The following ADCY4 variants were observed in gnomAD, a reference collection of about 807,000 sequenced individuals.
ADCY4 encodes adenylate cyclase type 4.
In ADCY4, 111 loss-of-function variants were observed where a neutral mutation model predicts 125.5. That is an observed-to-expected ratio of 0.88 (90% CI 0.76 to 1.04). The LOEUF (loss-of-function observed/expected upper bound fraction) is 1.04, where lower values mean the gene tolerates loss of function less well. Ranked by LOEUF, ADCY4 falls within the 50% of genes least tolerant of loss-of-function variation. The probability of loss-of-function intolerance (pLI) is 0.00; values close to 1 mark genes in which losing one functional copy is unlikely to be tolerated. For synonymous variants in ADCY4, 576 were observed against 586.9 expected (o/e 0.98, Z 0.27); for missense variants, 1,256 against 1,382.9 (o/e 0.91, Z 1.46).
intron 6 of ADCY4, chr14:24,330,631 T>G: frequency 2.8e-6 from 1 of 360,352 alleles, no homozygotes; most frequent in Non-Finnish European, 5.1e-6. Flanking sequence ...GAGGCATCCC[T>G]GGAGTCTAAG....
chr14:24,334,531 A>G lies in ADCY4; in HGVS notation c.122T>C (p.Leu41Pro). 18 of 1,583,286 alleles carry G rather than the reference A, an allele frequency of 1.1e-5. No homozygotes were observed. The highest frequency in any genetic ancestry group is 2.3e-5 in the East Asian group (1 of 43,632). Residue 41 changes from leucine to proline, a missense_variant, in exon 1 of 25, where the codon CTC (leucine) becomes CCC (proline). By Grantham distance (98) the Leu-to-Pro change is moderately conservative. Transcript: ENST00000418030. ...LLLLGIVLCALAALLAVAWAS... is the reference protein window; with the variant it reads ...LLLLGIVLCAPAALLAVAWAS... ...CCAGGCCACTGCGAGCAGCGCCGCG[A>G]GCGCACAGAGCACGATCCCCAGCAG...
chr14:24,329,847 C>T lies in ADCY4; in HGVS notation c.1217+13G>A. ...GGCCTTCTGCTGTAGCTGCCTAGGG[C>T]CCTAGGTCTCACCCTGGTACACCGC... is the stretch of plus-strand genomic sequence containing the variant. On this transcript the variant is annotated intron_variant, in intron 8 of 24. Coordinates refer to ENST00000418030, the MANE Select transcript of ADCY4 (RefSeq NM_001198568.2). 1 of 1,610,484 alleles carries T rather than the reference C, an allele frequency of 6.2e-7. No homozygotes were observed. Among genetic ancestry groups the T allele is most frequent in the South Asian group, 1.1e-5 (1 of 90,772 alleles).
chr14:24,321,755 A>G, intron 20 of ADCY4: 2 of 1,051,504 alleles, frequency 1.9e-6, no homozygotes, highest in Non-Finnish European at 2.3e-6. Context: ...GTCATGGACT[A>G]GTATCAGTCT....
rs772200911 is a variant in ADCY4, at chr14:24,319,827, T to C, written c.2648A>G (p.Lys883Arg). Reference protein sequence around the residue: ...CVLFASVPDFKEFYSESNINH... With the variant: ...CVLFASVPDFREFYSESNINH... ...GATGTTGGATTCAGAGTAGAACTCC[T>C]TGAAGTCTGGGACTGAGGCGAAGAG... The change falls in exon 21 of 25, where the codon AAG (lysine) becomes AGG (arginine). Residue 883 changes from lysine (K) to arginine (R), a missense_variant. Lys to Arg is a conservative substitution (Grantham distance 26). Coordinates refer to ENST00000418030, the MANE Select transcript of ADCY4 (RefSeq NM_001198568.2). The surrounding 1 kb of genome is among the most constrained non-coding windows in gnomAD (Gnocchi z 4.5). The C allele has an allele frequency of 6.2e-6, 10 of 1,614,126 alleles. No individual in the cohort carries two copies. The South Asian group carries it at 9.9e-5, about 16-fold the overall frequency.
Position 24,325,406 on chromosome 14 carries a change from G to A in ADCY4, c.1794C>T (p.Asn598=), listed in dbSNP as rs755574020. Residue 598 remains asparagine, a synonymous_variant, in exon 14 of 25, where the codon AAC becomes AAT. Coordinates refer to ENST00000418030, the MANE Select transcript of ADCY4 (RefSeq NM_001198568.2). The part of the protein sequence containing the change: ...EACTFLVFLS[N]FIIQMLVTNR... Reference sequence around the variant, plus strand: ...TTGTCACTAGCATCTGGATGATGAAGTTGGAGAGAAAAACCAGGAAGGTGC... The same window carrying A: ...TTGTCACTAGCATCTGGATGATGAAATTGGAGAGAAAAACCAGGAAGGTGC... 15 of 1,613,618 alleles carry A rather than the reference G, an allele frequency of 9.3e-6. 1 individual carries two copies. The South Asian group carries it at 1.1e-4, about 12-fold the overall frequency.
At chr14:24,332,195 G>T in intron 3 of ADCY4, 1 of 466,318 alleles carries the variant, frequency 2.1e-6, no homozygotes, top group Non-Finnish European at 3.7e-6. Flanking sequence ...CTTGTGCTTG[G>T]AATACCACTC....
chr14:24,329,603 C>T, intron 8 of ADCY4, 70 bp from the exon 9 acceptor site: 1 of 1,493,854 alleles, frequency 6.7e-7, no homozygotes, highest in Non-Finnish European at 8.9e-7. Context: ...CCCCATCACC[C>T]CCATGGCTCC....
chr14:24,330,440 T>G, intron 6 of ADCY4, 145 bp from the exon 7 acceptor site: 1 of 1,091,128 alleles, frequency 9.2e-7, no homozygotes, highest in South Asian at 1.5e-5. Context: ...AGGGACTCCT[T>G]TCACTTGATA....
chr14:24,332,354 C>G, intron 3 of ADCY4, 168 bp downstream of exon 3: 2 of 728,256 alleles, frequency 2.7e-6, no homozygotes, highest in South Asian at 4.3e-5. Flanking sequence ...CTGGTAACAG[C>G]AGGCATTGCA....
At chr14:24,331,716 A>C in intron 4 of ADCY4, 72 bp downstream of exon 4, 1 of 1,439,232 alleles carries the variant, frequency 6.9e-7, no homozygotes, top group Non-Finnish European at 9.1e-7. Flanking sequence ...CAACTTGTGG[A>C]GGAGCCCCGT....
chr14:24,319,572 G>A lies in ADCY4; in HGVS notation c.2734-136C>T. On this transcript the variant is annotated intron_variant, in intron 21 of 24. Coordinates refer to ENST00000418030, the MANE Select transcript of ADCY4 (RefSeq NM_001198568.2). The surrounding 1 kb of genome is among the most constrained non-coding windows in gnomAD (Gnocchi z 4.5). ...GATAGTGTCAGGAAGGAGAGGGTTG[G>A]TGGTGGGCAGTGTTGCTGGAGTGGG... 2.5e-6 allele frequency: 3 copies of A among 1,195,878 alleles called. No individual in the cohort carries two copies. The highest frequency in any genetic ancestry group is 3.6e-6 in the Non-Finnish European group (3 of 827,656). The allele number at this position is 1,195,878 out of a possible 1,614,324, so 74.1% of individuals were successfully genotyped here. A position where few individuals can be genotyped will look rare whatever the true frequency, so the allele number is the denominator to read the frequency against.
chr14:24,330,263 C>A lies in ADCY4; in HGVS notation c.963G>T (p.Gly321=), dbSNP rs756684873. The change falls in exon 7 of 25, where the codon GGG becomes GGT. Residue 321 remains glycine, a synonymous_variant. Coordinates refer to ENST00000418030, the MANE Select transcript of ADCY4 (RefSeq NM_001198568.2). ...EHECMRIKIL[G]DCYYCVSGLP... ...GCCCAGAGACACAGTAGTAACAGTC[C>A]CCCAGGATCTTGATCCGCATGCATT... 2 of 1,614,122 alleles carry A rather than the reference C, an allele frequency of 1.2e-6. No individual in the cohort carries two copies. Among genetic ancestry groups the A allele is most frequent in the African/African-American group, 1.3e-5 (1 of 75,018 alleles).
chr14:24,319,806 T>A lies in ADCY4; in HGVS notation c.2669A>T (p.Asn890Ile). Residue 890 changes from asparagine to isoleucine, a missense_variant, in exon 21 of 25, where the codon AAC becomes ATC. Transcript: ENST00000418030. This position sits in a 1 kb window ranked among gnomAD's most constrained non-coding sequence, Gnocchi z 4.5. The part of the protein sequence containing the change: ...PDFKEFYSES[N>I]INHEGLECLR... ...ACACTCTAGGCCCTCATGATTGATGTTGGATTCAGAGTAGAACTCCTTGAA... is the reference window on the plus strand; with the variant it reads ...ACACTCTAGGCCCTCATGATTGATGATGGATTCAGAGTAGAACTCCTTGAA... The A allele has an allele frequency of 6.2e-7, 1 of 1,614,146 alleles. No homozygotes were observed. Among genetic ancestry groups the A allele is most frequent in the Non-Finnish European group, 8.5e-7 (1 of 1,180,034 alleles).
At position 24,329,036 on chromosome 14, in the gene ADCY4, G is replaced by C. The variant is rs749815862; in HGVS notation, c.1524+25C>G. 3.1e-6 allele frequency: 5 copies of C among 1,608,110 alleles called. No individual in the cohort carries two copies. In the African/African-American group the frequency reaches 6.7e-5, roughly 22 times the overall value. The stretch of plus-strand genomic sequence containing the variant: ...TGGGGGTGGATTTAACTAAGCTCTG[G>C]GGCTCAGGATGAAGGTGCACATACC... On this transcript the variant is annotated intron_variant, in intron 10 of 24. Coordinates refer to ENST00000418030, the MANE Select transcript of ADCY4 (RefSeq NM_001198568.2).
At chr14:24,329,750 A>G in intron 8 of ADCY4, 110 bp downstream of exon 8, 2 of 1,502,762 alleles carry the variant, frequency 1.3e-6, no homozygotes, top group African/African-American at 1.4e-5. Context: ...TATGGGACTT[A>G]TCTTAAGGTA....
In ADCY4 at chr14:24,319,629, T is replaced by C; in HGVS notation, c.2733+113A>G. 1 of 1,379,012 alleles carries C rather than the reference T, an allele frequency of 7.3e-7. No homozygotes were observed. The highest frequency in any genetic ancestry group is 1.0e-6 in the Non-Finnish European group (1 of 986,572). The allele number at this position is 1,379,012 out of a possible 1,614,324, so 85.4% of individuals were successfully genotyped here. ...TGGGGGATCAGAGGAGGTGAGGGAGTACTGTGGAGGGGAGGATTGACTTCA... is the reference window on the plus strand; with the variant it reads ...TGGGGGATCAGAGGAGGTGAGGGAGCACTGTGGAGGGGAGGATTGACTTCA... On this transcript the variant is annotated intron_variant, in intron 21 of 24. Coordinates refer to ENST00000418030, the MANE Select transcript of ADCY4 (RefSeq NM_001198568.2). This position sits in a 1 kb window ranked among gnomAD's most constrained non-coding sequence, Gnocchi z 4.5.
In ADCY4 at chr14:24,319,871, G is replaced by A. The variant is rs1000675087; in HGVS notation, c.2604C>T (p.Ser868=). Residue 868 remains serine (S), a synonymous_variant, in exon 21 of 25, where the codon TCC becomes TCT. Coordinates refer to ENST00000418030, the MANE Select transcript of ADCY4 (RefSeq NM_001198568.2). The surrounding 1 kb of genome is among the most constrained non-coding windows in gnomAD (Gnocchi z 4.5). ...CGAAGAGGACACAAACGCATTCATA[G>A]GACTGGTGGTAGAGATCCTGGGGGA... ...NRRNEDLYHQ[S]YECVCVLFAS... The A allele has an allele frequency of 1.9e-6, 3 of 1,613,606 alleles. No homozygotes were observed. The highest frequency in any genetic ancestry group is 2.7e-5 in the African/African-American group (2 of 74,914).
At chr14:24,324,774 GCTCACTGCAAACTCCGCC>G (rs1210576001) in intron 14 of ADCY4, among the ~76,000 whole-genome samples, 48 of 152,070 alleles carry the variant, frequency 3.2e-4, no homozygotes, top group Non-Finnish European at 1.8e-4. Context: ...TGTGATCTTG[GCTCACTGCAAACTCCGCC>G]TCCCGGGTTT....
Position 24,329,447 on chromosome 14 carries a change from T to C in ADCY4, c.1304A>G (p.Tyr435Cys), listed in dbSNP as rs529736637. The change falls in exon 9 of 25, where the codon TAC becomes TGC. Residue 435 changes from tyrosine (Y) to cysteine (C), a missense_variant. Tyr to Cys is a radical substitution (Grantham distance 194). Coordinates refer to ENST00000418030, the MANE Select transcript of ADCY4 (RefSeq NM_001198568.2). ...EDAGMEHRDP[Y>C]LRELGEPTYL... ...GGTAGGCTCCCCTAGCTCCCGAAGG[T>C]AGGGGTCCCGATGCTCCATGCCTGC... The C allele has an allele frequency of 1.6e-5, 25 of 1,578,958 alleles. No homozygotes were observed. In the South Asian group the frequency reaches 2.3e-4, roughly 15 times the overall value.
Sources: gnomAD v4.1 joint callset for allele counts (sites outside exome capture counted in the v4.1 genomes callset) on GRCh38, gnomAD v4.1.1 for gene constraint, Gnocchi (gnomAD v3.1) non-coding constraint, MANE v1.5 for transcripts, NCBI Gene and HGNC (gene_info 2026-07-23, HGNC 2026-07-21) for gene names.